SLC44A5: variants seen among roughly 807,000 people sequenced by gnomAD.
The protein encoded by SLC44A5 is choline transporter-like protein 5.
A neutral mutation model predicts 101.8 loss-of-function variants in SLC44A5; 57 were observed. That is an observed-to-expected ratio of 0.56 (90% CI 0.45 to 0.70). The LOEUF is 0.70. Among genes scored for constraint, SLC44A5 ranks in the 30% least tolerant of loss-of-function variants. SLC44A5 has a pLI of 0.00. For missense variants in SLC44A5, 737 were observed against 853.1 expected, an observed-to-expected ratio of 0.86 and a Z score of 1.70; for synonymous variants, 281 against 290.9, an observed-to-expected ratio of 0.97 and a Z score of 0.35.
the SLC44A5 span, among the ~76,000 whole-genome samples, chr1:75,640,033 G>A: frequency 6.6e-6 from 1 of 152,008 alleles, no homozygotes; most frequent in Non-Finnish European, 1.5e-5. Flanking sequence ...GGGGGAAAAG[G>A]CCTTTTACTT....
At chr1:75,614,948 C>CGA (rs1320247219), upstream of SLC44A5, among the ~76,000 whole-genome samples, 2 of 152,144 alleles carry the variant, frequency 1.3e-5, no homozygotes, top group Non-Finnish European at 2.9e-5. Flanking sequence ...CTCTGCGAGT[C>CGA]CGCGCTGCGG....
intron 5 of SLC44A5, among the ~76,000 whole-genome samples, chr1:75,280,415 A>ATATTGT (rs1652398573): frequency 1.3e-5 from 1 of 75,160 alleles, no homozygotes; most frequent in African/African-American, 7.6e-5. Context: ...TTGTATATAT[A>ATATTGT]ATATATATAT....
At chr1:75,237,191 A>G (rs1648168126) in intron 10 of SLC44A5, 121 bp from the exon 11 acceptor site, 2 of 576,962 alleles carry the variant, frequency 3.5e-6, no homozygotes, top group East Asian at 2.8e-5. Context: ...GAAACCATCT[A>G]TCAGTAGTGA....
chr1:75,294,407 G>A (rs1274351750), intron 5 of SLC44A5, among the ~76,000 whole-genome samples: 3 of 152,172 alleles, frequency 2.0e-5, no homozygotes, highest in Admixed American at 2.0e-4. Flanking sequence ...TAGCCATTAC[G>A]AATGATAGCA....
chr1:75,219,228 A>G lies in SLC44A5; in HGVS notation c.1266+29T>C, dbSNP rs947129880. 3 of 1,404,894 alleles carry G rather than the reference A, an allele frequency of 2.1e-6. 1 individual carries two copies. The East Asian group carries it at 6.8e-5, about 32-fold the overall frequency. 87.0% of individuals were successfully genotyped at this position (1,404,894 alleles called of 1,614,324 possible). On this transcript the variant is annotated intron_variant, in intron 16 of 23. Coordinates refer to ENST00000370859, the MANE Select transcript of SLC44A5 (RefSeq NM_001130058.2). ...TTGCAGCAGAAGTCTATATTGAAGT[A>G]AGTAAATGAAAGAGTTTCTTGTACT... is the stretch of plus-strand genomic sequence containing the variant.
intron 7 of SLC44A5, among the ~76,000 whole-genome samples, chr1:75,243,522 T>C (rs1334159295): frequency 6.6e-6 from 1 of 152,122 alleles, no homozygotes; most frequent in Non-Finnish European, 1.5e-5. Context: ...GATATTGATG[T>C]TATGTTAAAA....
intron 5 of SLC44A5, among the ~76,000 whole-genome samples, chr1:75,277,821 T>G (rs1652055284): frequency 6.6e-6 from 1 of 152,126 alleles, no homozygotes; most frequent in African/African-American, 2.4e-5. Context: ...TTGTGTTTAC[T>G]GAGCTGCTGC....
chr1:75,700,304 G>A, the SLC44A5 span, among the ~76,000 whole-genome samples: 3 of 152,102 alleles, frequency 2.0e-5, no homozygotes, highest in Non-Finnish European at 4.4e-5. Context: ...AAAATAAACT[G>A]TCTCTCAGAC....
At chr1:75,374,065 C>G (rs947316706) in intron 3 of SLC44A5, among the ~76,000 whole-genome samples, 2 of 152,170 alleles carry the variant, frequency 1.3e-5, no homozygotes. Flanking sequence ...CCCAAGGAGC[C>G]CTGCAGCCTA....
chr1:75,444,103 G>A (rs79729407), intron 2 of SLC44A5, among the ~76,000 whole-genome samples: 35,400 of 151,390 alleles, frequency 0.23, 4,256 homozygotes, highest in African/African-American at 0.26. Context: ...GATCACCTGA[G>A]TTCAGGAGTT....
chr1:75,684,920 C>A, the SLC44A5 span, among the ~76,000 whole-genome samples: 1 of 152,248 alleles, frequency 6.6e-6, no homozygotes, highest in East Asian at 1.9e-4. Context: ...CACTTCCACA[C>A]TGACCTAGAA....
intron 2 of SLC44A5, among the ~76,000 whole-genome samples, chr1:75,476,732 T>G (rs1030071799): frequency 6.6e-5 from 10 of 152,160 alleles, no homozygotes; most frequent in African/African-American, 2.2e-4. Flanking sequence ...CTTGCTTAGG[T>G]AGACAAAGCA....
At chr1:75,302,104 GTTTTTTTGTTTTT>G (rs1166039312) in intron 4 of SLC44A5, among the ~76,000 whole-genome samples, 3 of 49,590 alleles carry the variant, frequency 6.0e-5, no homozygotes, top group Admixed American at 2.9e-4. Context: ...AGGTGCTCTA[GTTTTTTTGTTTTT>G]TTTTTTTTTT....
intron 17 of SLC44A5, among the ~76,000 whole-genome samples, chr1:75,218,268 T>C (rs916673418): frequency 1.3e-5 from 2 of 152,138 alleles, no homozygotes; most frequent in African/African-American, 2.4e-5. Context: ...CCTCTATCTT[T>C]TTCTCTCTCT....
At chr1:75,256,460 G>GCTAA (rs1325620710) in intron 6 of SLC44A5, among the ~76,000 whole-genome samples, 1 of 152,146 alleles carries the variant, frequency 6.6e-6, no homozygotes, top group Non-Finnish European at 1.5e-5. Flanking sequence ...CTAATGAAGT[G>GCTAA]TGAGATTTGG....
chr1:75,325,348 G>A (rs1328546489), intron 4 of SLC44A5, among the ~76,000 whole-genome samples: 2 of 151,804 alleles, frequency 1.3e-5, no homozygotes, highest in African/African-American at 4.8e-5. Flanking sequence ...TGCCCTATAG[G>A]TACTGATGGA....
chr1:75,664,446 T>C, the SLC44A5 span, among the ~76,000 whole-genome samples: 2 of 152,110 alleles, frequency 1.3e-5, no homozygotes, highest in Non-Finnish European at 2.9e-5. Flanking sequence ...CTGGAACTAA[T>C]AAAAGACTTC....
At chr1:75,571,303 C>A (rs189057992) in intron 1 of SLC44A5, among the ~76,000 whole-genome samples, 14 of 151,792 alleles carry the variant, frequency 9.2e-5, no homozygotes, top group African/African-American at 2.7e-4. Context: ...ACAGTAAGGA[C>A]AAAGAAACAG....
intron 2 of SLC44A5, among the ~76,000 whole-genome samples, chr1:75,511,078 G>A (rs553660668): frequency 6.6e-6 from 1 of 152,340 alleles, no homozygotes; most frequent in South Asian, 2.1e-4. Context: ...GGGAGGCGGA[G>A]CTTGCAGCGA....
Sources: allele counts gnomAD v4.1 joint callset (sites outside exome capture counted in the v4.1 genomes callset), GRCh38; gene constraint gnomAD v4.1.1; transcripts MANE v1.5; gene names NCBI Gene and HGNC (gene_info 2026-07-23, HGNC 2026-07-21).